Variants in TEC observed in about 807,000 individuals in gnomAD.
The protein encoded by TEC is tyrosine-protein kinase Tec.
In TEC, 72 loss-of-function variants were observed where a neutral mutation model predicts 93.0. The observed-to-expected ratio is 0.77, with a 90% confidence interval of 0.64 to 0.94. TEC has a LOEUF of 0.94. Among genes scored for constraint, TEC ranks in the 40% least tolerant of loss-of-function variants. The probability of loss-of-function intolerance (pLI) is 0.00; values close to 1 mark genes in which losing one functional copy is unlikely to be tolerated. For missense variants in TEC, 630 were observed against 757.9 expected (o/e 0.83, Z 1.98); for synonymous variants, 249 against 247.7 (o/e 1.01, Z -0.05).
chr4:48,230,075 CAAT>C (rs71654901), intron 1 of TEC, among the ~76,000 whole-genome samples: 77,251 of 146,820 alleles, frequency 0.53, 21,395 homozygotes, highest in African/African-American at 0.71. Context: ...AACTCCGTCT[CAAT>C]AATAATAATA....
rs763063582 is a variant in TEC at position 48,167,761 on chromosome 4, A to G, written c.671+17T>C. The stretch of plus-strand genomic sequence containing the variant: ...CACCTACCCACTGCATATCACACAC[A>G]TAGAGGGAATACTTACCCATATTTA... On this transcript the variant is annotated intron_variant, in intron 7 of 17. Coordinates refer to ENST00000381501, the MANE Select transcript of TEC (RefSeq NM_003215.3). 5.6e-6 allele frequency: 9 copies of G among 1,612,486 alleles called. No homozygotes were observed. The East Asian group carries it at 1.8e-4, about 32-fold the overall frequency.
chr4:48,265,387 ATGTG>A, intron 1 of TEC, among the ~76,000 whole-genome samples: 1 of 149,544 alleles, frequency 6.7e-6, no homozygotes, highest in Admixed American at 6.7e-5. Flanking sequence ...ATATATATAT[ATGTG>A]TGTGTATATG....
At chr4:48,170,495 C>A in intron 4 of TEC, 119 bp from the exon 5 acceptor site, 1 of 661,954 alleles carries the variant, frequency 1.5e-6, no homozygotes, top group Non-Finnish European at 2.4e-6. Flanking sequence ...ATAAGAACGC[C>A]CTTAGATCAC....
rs1342358402 is a variant in TEC, at chr4:48,148,323, G to A, written c.1006+1234C>T. Among the ~76,000 whole-genome samples, 3 of 152,038 alleles carry A rather than the reference G, an allele frequency of 2.0e-5. No individual in the cohort carries two copies. The East Asian group carries it at 5.8e-4, about 29-fold the overall frequency. ...TCACAAAATAATAGGCTTTGCAAAG[G>A]GTGCCTTCAATAAAATTTCAAAATT... On this transcript the variant is annotated intron_variant, in intron 11 of 17. Transcript: ENST00000381501.
chr4:48,195,298 C>G (rs1722259951), intron 2 of TEC, among the ~76,000 whole-genome samples: 1 of 152,178 alleles, frequency 6.6e-6, no homozygotes, highest in Non-Finnish European at 1.5e-5. Flanking sequence ...TTAAAAAACA[C>G]TTCTCAAATA....
intron 2 of TEC, among the ~76,000 whole-genome samples, chr4:48,179,365 TATATATATA>T (rs1328911440): frequency 7.4e-4 from 30 of 40,294 alleles, no homozygotes; most frequent in African/African-American, 1.5e-3. Flanking sequence ...TATATATATA[TATATATATA>T]TATTTTTTTT....
chr4:48,236,445 T>C (rs1351329323), intron 1 of TEC, among the ~76,000 whole-genome samples: 6 of 151,886 alleles, frequency 4.0e-5, no homozygotes, highest in African/African-American at 1.4e-4. Context: ...CTACGCCCGG[T>C]TAATTTTTTT....
intron 17 of TEC, among the ~76,000 whole-genome samples, chr4:48,138,447 C>T (rs1022357342): frequency 2.6e-5 from 4 of 152,242 alleles, no homozygotes; most frequent in Non-Finnish European, 5.9e-5. Context: ...AGTGAGGAAG[C>T]AGCCTGAATG....
intron 7 of TEC, among the ~76,000 whole-genome samples, chr4:48,165,019 GAAAGAAAAAGA>G (rs986636720): frequency 4.0e-5 from 6 of 151,772 alleles, no homozygotes; most frequent in African/African-American, 1.5e-4. Context: ...TCAAAAAAAA[GAAAGAAAAAGA>G]AAAGAAAAGA....
intron 1 of TEC, among the ~76,000 whole-genome samples, chr4:48,244,179 C>G: frequency 6.6e-6 from 1 of 152,174 alleles, no homozygotes; most frequent in Admixed American, 6.5e-5. Context: ...TCCTTCCTCT[C>G]CCCACACTCA....
intron 2 of TEC, among the ~76,000 whole-genome samples, chr4:48,219,290 C>A (rs1401873648): frequency 6.6e-6 from 1 of 152,202 alleles, no homozygotes; most frequent in Non-Finnish European, 1.5e-5. Flanking sequence ...ACGCCAGTGT[C>A]TGGGAAGGCA....
intron 3 of TEC, among the ~76,000 whole-genome samples, chr4:48,175,648 A>C (rs1319031394): frequency 6.6e-6 from 1 of 152,204 alleles, no homozygotes; most frequent in Non-Finnish European, 1.5e-5. Flanking sequence ...GCTATTTAAC[A>C]GGTGAGCACT....
intron 2 of TEC, among the ~76,000 whole-genome samples, chr4:48,212,264 G>T (rs936393106): frequency 2.6e-5 from 4 of 151,838 alleles, no homozygotes; most frequent in African/African-American, 9.7e-5. Flanking sequence ...AAACATAAAT[G>T]AACCACTGGT....
chr4:48,195,530 G>A (rs929273008), intron 2 of TEC, among the ~76,000 whole-genome samples: 1 of 152,140 alleles, frequency 6.6e-6, no homozygotes, highest in Admixed American at 6.5e-5. Context: ...ACAACTGCTC[G>A]TACAGGTCGT....
chr4:48,174,902 G>GT, intron 3 of TEC, among the ~76,000 whole-genome samples: 1 of 152,252 alleles, frequency 6.6e-6, no homozygotes, highest in South Asian at 2.1e-4. Flanking sequence ...TATCACATCA[G>GT]TTAATCCTCA....
chr4:48,170,297 T>C lies in TEC; in HGVS notation c.405A>G (p.Gln135=), dbSNP rs1394387811. ...CACATCCGGGTGCTAATTTTTCAGT[T>C]TGTCTACAACACTGATAACTTCCAT... The part of the protein sequence containing the change: ...WTDGSYQCCR[Q]TEKLAPGCEK... The change falls in exon 5 of 18, where the codon CAA becomes CAG. Residue 135 remains glutamine, a synonymous_variant. Transcript: ENST00000381501. The C allele has an allele frequency of 6.3e-7, 1 of 1,586,484 alleles. No individual in the cohort carries two copies. The highest frequency in any genetic ancestry group is 1.3e-5 in the African/African-American group (1 of 74,382).
intron 9 of TEC, among the ~76,000 whole-genome samples, chr4:48,151,865 A>G (rs1174874703): frequency 6.6e-6 from 1 of 152,226 alleles, no homozygotes; most frequent in Non-Finnish European, 1.5e-5. Context: ...AAACAATGCT[A>G]AAGCACTAAA....
At chr4:48,138,531 G>T in intron 17 of TEC, 134 bp downstream of exon 17, 2 of 983,610 alleles carry the variant, frequency 2.0e-6, no homozygotes, top group Non-Finnish European at 1.5e-6. Flanking sequence ...AGTTGAGAGG[G>T]TTGGCTTCCT....
chr4:48,197,123 C>T (rs138058761), intron 2 of TEC, among the ~76,000 whole-genome samples: 16 of 152,270 alleles, frequency 1.1e-4, no homozygotes, highest in African/African-American at 1.9e-4. Flanking sequence ...AGTCATATTC[C>T]GGTGAATATA....
Sources: allele counts gnomAD v4.1 joint callset (sites outside exome capture counted in the v4.1 genomes callset), GRCh38; gene constraint gnomAD v4.1.1; transcripts MANE v1.5; gene names NCBI Gene and HGNC (gene_info 2026-07-23, HGNC 2026-07-21).